The following TLE4 variants were observed in gnomAD, a reference collection of about 807,000 sequenced individuals.
TLE4 encodes the protein transducin-like enhancer protein 4.
In TLE4, 8 loss-of-function variants were observed where a neutral mutation model predicts 92.8. The observed-to-expected ratio is 0.09, with a 90% CI of 0.05 to 0.16. TLE4 has a LOEUF of 0.16. Ranked by LOEUF, TLE4 falls within the 10% of genes least tolerant of loss-of-function variation. TLE4 has a pLI of 1.00. For synonymous variants in TLE4, 371 were observed against 374.1 expected, an observed-to-expected ratio of 0.99 and a Z score of 0.10; for missense variants, 675 against 997.6, an observed-to-expected ratio of 0.68 and a Z score of 4.36.
intron 8 of TLE4, among the ~76,000 whole-genome samples, chr9:79,659,301 A>G (rs1229577059): frequency 2.6e-5 from 4 of 152,164 alleles, no homozygotes; most frequent in Non-Finnish European, 5.9e-5. Context: ...ATATGTAGCC[A>G]TATTTCTATC....
intron 8 of TLE4, 144 bp downstream of exon 8, chr9:79,654,219 G>A (rs1198386343): frequency 5.2e-6 from 4 of 772,836 alleles, no homozygotes; most frequent in Non-Finnish European, 8.1e-6. Flanking sequence ...TTACTTTCAG[G>A]TGTGTGGTTG....
At chr9:79,582,639 CTT>C (rs35195007) in intron 4 of TLE4, among the ~76,000 whole-genome samples, 119 of 115,590 alleles carry the variant, frequency 1.0e-3, no homozygotes, top group Middle Eastern at 5.1e-3. Context: ...TTTAATGTGG[CTT>C]TTTTTTTTTT....
intron 6 of TLE4, among the ~76,000 whole-genome samples, chr9:79,637,475 ACT>A (rs1367564081): frequency 6.6e-6 from 1 of 151,880 alleles, no homozygotes; most frequent in Non-Finnish European, 1.5e-5. Flanking sequence ...TGTTCTCTTG[ACT>A]CTGTTCTTTC....
At chr9:79,691,605 C>G (rs1461604268) in intron 8 of TLE4, among the ~76,000 whole-genome samples, 1 of 152,098 alleles carries the variant, frequency 6.6e-6, no homozygotes, top group African/African-American at 2.4e-5. Context: ...CCCACCTGCT[C>G]CCTCCACGTC....
intron 4 of TLE4, among the ~76,000 whole-genome samples, chr9:79,602,022 A>G (rs1032781319): frequency 1.3e-5 from 2 of 152,356 alleles, no homozygotes; most frequent in Admixed American, 1.3e-4. Flanking sequence ...TAGAAGCTCA[A>G]ACCAGCCATA....
At chr9:79,575,061 T>G in intron 3 of TLE4, 125 bp downstream of exon 3, 1 of 713,806 alleles carries the variant, frequency 1.4e-6, no homozygotes. Flanking sequence ...GTTGAAGTTG[T>G]GGGAATATGT....
chr9:79,573,982 C>G, intron 2 of TLE4, 196 bp downstream of exon 2: 1 of 376,560 alleles, frequency 2.7e-6, no homozygotes. Flanking sequence ...TTTCTTCTAC[C>G]GTAAATAAAA....
At chr9:79,638,738 T>C (rs141661755) in intron 6 of TLE4, among the ~76,000 whole-genome samples, 202 of 152,252 alleles carry the variant, frequency 1.3e-3, no homozygotes, top group African/African-American at 4.5e-3. Flanking sequence ...TCTGCACAAA[T>C]TAATATCTGG....
intron 4 of TLE4, among the ~76,000 whole-genome samples, chr9:79,606,189 T>TGTTG (rs1564329290): frequency 3.3e-5 from 2 of 60,944 alleles, no homozygotes; most frequent in African/African-American, 1.8e-4. Flanking sequence ...TAGTAGTTGT[T>TGTTG]TTTTTTTTTT....
chr9:79,595,996 A>G (rs758436368), intron 4 of TLE4, among the ~76,000 whole-genome samples: 7 of 151,422 alleles, frequency 4.6e-5, no homozygotes, highest in South Asian at 2.1e-4. Context: ...ACAGGCGCCC[A>G]CCACCACGCC....
chr9:79,651,235 T>C (rs1387028461), intron 6 of TLE4, among the ~76,000 whole-genome samples: 3 of 152,208 alleles, frequency 2.0e-5, no homozygotes, highest in Non-Finnish European at 4.4e-5. Context: ...CAATACTTGT[T>C]GTCATACAAT....
intron 8 of TLE4, among the ~76,000 whole-genome samples, chr9:79,687,838 C>T (rs865783121): frequency 1.6e-4 from 25 of 152,304 alleles, no homozygotes; most frequent in Middle Eastern, 3.4e-3. Context: ...ATTCAAGTTT[C>T]CTCCTGTTCA....
intron 4 of TLE4, among the ~76,000 whole-genome samples, chr9:79,583,003 A>G (rs1300198820): frequency 2.6e-5 from 4 of 152,210 alleles, no homozygotes; most frequent in Non-Finnish European, 5.9e-5. Flanking sequence ...TTATTACTCT[A>G]AAGAGGAAGG....
intron 5 of TLE4, among the ~76,000 whole-genome samples, chr9:79,618,567 T>G (rs971246561): frequency 1.3e-5 from 2 of 152,214 alleles, no homozygotes; most frequent in Non-Finnish European, 2.9e-5. Context: ...TTTTTAACCT[T>G]GTTATTAGCA....
chr9:79,671,426 C>T, intron 8 of TLE4: 2 of 337,506 alleles, frequency 5.9e-6, no homozygotes, highest in Non-Finnish European at 1.2e-5. Context: ...CAGAGAGCCT[C>T]TTTTATTTTC....
At chr9:79,660,692 C>CT (rs2060402624) in intron 8 of TLE4, among the ~76,000 whole-genome samples, 1 of 152,190 alleles carries the variant, frequency 6.6e-6, no homozygotes, top group Non-Finnish European at 1.5e-5. Flanking sequence ...ATACCTGCCT[C>CT]TAGGCATGTA....
rs1293772874 is a variant in TLE4, at chr9:79,642,920, G to T, written c.391-9673G>T. Among the ~76,000 whole-genome samples the T allele has an allele frequency of 2.6e-5, 4 of 152,138 alleles. No individual in the cohort carries two copies. The East Asian group carries it at 7.7e-4, about 29-fold the overall frequency. On this transcript the variant is annotated intron_variant, in intron 6 of 19. Transcript: ENST00000376552. ...ATCCTTTCAGTGATAATCTTACTTG[G>T]ATTGCTCTAAATGCATGTCTTCTCC... is the stretch of plus-strand genomic sequence containing the variant.
At chr9:79,599,398 T>C (rs191959148) in intron 4 of TLE4, among the ~76,000 whole-genome samples, 60 of 152,264 alleles carry the variant, frequency 3.9e-4, no homozygotes, top group Admixed American at 3.7e-3. Context: ...TCTTTGGAGA[T>C]TGTGAGTTAA....
chr9:79,632,398 C>T (rs1197062611), intron 6 of TLE4, among the ~76,000 whole-genome samples: 1 of 152,152 alleles, frequency 6.6e-6, no homozygotes, highest in Non-Finnish European at 1.5e-5. Context: ...CCGTGGTTCA[C>T]TATTCATAGG....
Sources: gnomAD v4.1 joint callset for allele counts (sites outside exome capture counted in the v4.1 genomes callset) on GRCh38, gnomAD v4.1.1 for gene constraint, MANE v1.5 for transcripts, NCBI Gene and HGNC (gene_info 2026-07-23, HGNC 2026-07-21) for gene names.